The following CTIF variants were observed in gnomAD, a reference collection of about 807,000 sequenced individuals.
The protein encoded by CTIF is CBP80/20-dependent translation initiation factor.
Under a neutral mutation model 66.0 loss-of-function variants are expected in CTIF, and 21 were observed. That is an observed-to-expected ratio of 0.32 (90% CI 0.23 to 0.46). The LOEUF is 0.46. Among genes scored for constraint, CTIF ranks in the 20% least tolerant of loss-of-function variants. CTIF has a pLI of 1.00. For synonymous variants in CTIF, 345 were observed against 326.4 expected, an observed-to-expected ratio of 1.06 and a Z score of -0.62; for missense variants, 739 against 812.7, an observed-to-expected ratio of 0.91 and a Z score of 1.10.
chr18:48,669,801 A>G lies in CTIF; in HGVS notation c.432-868A>G, dbSNP rs1244054889. Among the ~76,000 whole-genome samples the G allele has an allele frequency of 2.5e-4, 18 of 70,768 alleles. 2 individuals are homozygous for G. The highest frequency in any genetic ancestry group is 1.2e-3 in the African/African-American group (18 of 15,118). The allele number at this position is 70,768 out of a possible 152,430, so 46.4% of individuals were successfully genotyped here. ...ACAAACAAGCTAAACATTTATATAT[A>G]TATATATATATATATATATATATAT... is the stretch of plus-strand genomic sequence containing the variant. On this transcript the variant is annotated intron_variant, in intron 5 of 11. Transcript: ENST00000256413.
chr18:48,807,580 GTTTT>G (rs36110913), intron 9 of CTIF, among the ~76,000 whole-genome samples: 1 of 102,824 alleles, frequency 9.7e-6, no homozygotes. Context: ...TTGTTGTTGT[GTTTT>G]TTTTTTTTTT....
intron 10 of CTIF, among the ~76,000 whole-genome samples, chr18:48,818,647 TAGATGG>T (rs1263781488): frequency 6.6e-6 from 1 of 151,588 alleles, no homozygotes; most frequent in Admixed American, 6.6e-5. Context: ...GAAGAGAGTA[TAGATGG>T]AGAGGGAGAG....
chr18:48,547,105 A>G (rs1480951198), intron 1 of CTIF, among the ~76,000 whole-genome samples: 1 of 151,998 alleles, frequency 6.6e-6, no homozygotes, highest in Non-Finnish European at 1.5e-5. Context: ...GTGAGGGAGG[A>G]GAGAGAAGAG....
At chr18:48,741,274 G>GCCCCCCCCCC (rs759009342) in intron 7 of CTIF, among the ~76,000 whole-genome samples, 3 of 99,996 alleles carry the variant, frequency 3.0e-5, no homozygotes, top group Non-Finnish European at 6.3e-5. Context: ...TCTTTACTCT[G>GCCCCCCCCCC]CCCCCGCCCC....
intron 7 of CTIF, among the ~76,000 whole-genome samples, chr18:48,728,556 G>T (rs9961808): frequency 6.6e-6 from 1 of 151,896 alleles, no homozygotes; most frequent in Non-Finnish European, 1.5e-5. Context: ...CCAGGATTGC[G>T]GTCATCTGAC....
intron 4 of CTIF, 38 bp downstream of exon 4, chr18:48,663,863 C>T (rs777454329): frequency 6.3e-7 from 1 of 1,583,688 alleles, no homozygotes; most frequent in Non-Finnish European, 8.7e-7. Flanking sequence ...GGTGTGAGGT[C>T]CAGCCGGGGA....
intron 10 of CTIF, among the ~76,000 whole-genome samples, chr18:48,855,571 C>T (rs2069309584): frequency 6.6e-6 from 1 of 152,248 alleles, no homozygotes. Flanking sequence ...GTCTCTGCGT[C>T]CAACATCTCC....
intron 1 of CTIF, among the ~76,000 whole-genome samples, chr18:48,580,559 A>T: frequency 6.6e-6 from 1 of 152,168 alleles, no homozygotes; most frequent in African/African-American, 2.4e-5. Context: ...GTTTAACTTA[A>T]CCTGGACACC....
chr18:48,772,022 C>T (rs1265593465), intron 9 of CTIF, among the ~76,000 whole-genome samples: 1 of 152,194 alleles, frequency 6.6e-6, no homozygotes, highest in Non-Finnish European at 1.5e-5. Context: ...AGGGAGGCTC[C>T]CAGCCACTAC....
intron 9 of CTIF, among the ~76,000 whole-genome samples, chr18:48,789,976 C>G (rs2067756946): frequency 6.6e-6 from 1 of 152,286 alleles, no homozygotes; most frequent in Middle Eastern, 3.4e-3. Flanking sequence ...CTTTTCCCCT[C>G]TCTATGTCCT....
intron 10 of CTIF, among the ~76,000 whole-genome samples, chr18:48,828,928 C>T (rs2068636965): frequency 6.6e-6 from 1 of 152,256 alleles, no homozygotes; most frequent in Non-Finnish European, 1.5e-5. Context: ...CCTGCTCCTC[C>T]TCCTCCCTCT....
chr18:48,855,185 A>G (rs117729276), intron 10 of CTIF, among the ~76,000 whole-genome samples: 1 of 152,322 alleles, frequency 6.6e-6, no homozygotes, highest in East Asian at 1.9e-4. Context: ...CTACAGTGTG[A>G]TCAAGGAGAC....
chr18:48,539,703 C>T (rs966168292), intron 1 of CTIF: 1 of 152,664 alleles, frequency 6.6e-6, no homozygotes, highest in Non-Finnish European at 1.5e-5. Context: ...GTGCCGGGTT[C>T]CGACCTGGGA....
chr18:48,547,628 C>G (rs2088783046), intron 1 of CTIF, among the ~76,000 whole-genome samples: 2 of 152,212 alleles, frequency 1.3e-5, no homozygotes, highest in African/African-American at 4.8e-5. Context: ...CCTCGCTGGC[C>G]ATTTTCACCC....
intron 1 of CTIF, among the ~76,000 whole-genome samples, chr18:48,616,563 T>C (rs2090404084): frequency 6.6e-6 from 1 of 152,190 alleles, no homozygotes; most frequent in Admixed American, 6.5e-5. Context: ...CTTGGGCAAG[T>C]TACTTAATCT....
intron 6 of CTIF, among the ~76,000 whole-genome samples, chr18:48,709,430 A>G (rs1049581131): frequency 6.6e-6 from 1 of 152,232 alleles, no homozygotes; most frequent in African/African-American, 2.4e-5. Flanking sequence ...GTGTGCAGGT[A>G]AGGAGGCCAG....
intron 9 of CTIF, among the ~76,000 whole-genome samples, chr18:48,815,248 T>TA (rs767844417): frequency 6.6e-6 from 1 of 152,040 alleles, no homozygotes; most frequent in Non-Finnish European, 1.5e-5. Context: ...TTTTGAAAAA[T>TA]AAAAAACACC....
intron 1 of CTIF, among the ~76,000 whole-genome samples, chr18:48,587,081 T>G (rs560018769): frequency 2.0e-5 from 3 of 151,228 alleles, no homozygotes; most frequent in Admixed American, 1.3e-4. Flanking sequence ...CATTCTTTTT[T>G]TTTTTTTTTT....
At chr18:48,724,467 A>G (rs1598929963) in intron 7 of CTIF, among the ~76,000 whole-genome samples, 1 of 151,666 alleles carries the variant, frequency 6.6e-6, no homozygotes, top group African/African-American at 2.4e-5. Context: ...TGCTCCCAAC[A>G]CTGACCAGCC....
Sources: allele counts gnomAD v4.1 joint callset (sites outside exome capture counted in the v4.1 genomes callset), GRCh38; gene constraint gnomAD v4.1.1; transcripts MANE v1.5; gene names NCBI Gene and HGNC (gene_info 2026-07-23, HGNC 2026-07-21).